The following SLC25A36 variants were observed in gnomAD, a reference collection of about 807,000 sequenced individuals.
SLC25A36 encodes the protein epididymis secretory sperm binding protein.
SLC25A36 carries 24 observed loss-of-function variants against 35.3 expected under a neutral mutation model. The ratio of observed to expected loss-of-function variants is 0.68; its 90% confidence interval spans 0.49 to 0.96. The LOEUF is 0.96. Ranked by LOEUF, SLC25A36 falls within the 40% of genes least tolerant of loss-of-function variation. The pLI, the probability that SLC25A36 is intolerant of heterozygous loss-of-function variation, is 0.00. For synonymous variants in SLC25A36, 141 were observed against 132.2 expected (o/e 1.07, Z -0.46); for missense variants, 294 against 381.1 (o/e 0.77, Z 1.90).
chr3:140,974,882 T>TA (rs1324391773), intron 6 of SLC25A36, among the ~76,000 whole-genome samples: 1 of 152,148 alleles, frequency 6.6e-6, no homozygotes, highest in African/African-American at 2.4e-5. Flanking sequence ...ACTATGAACT[T>TA]ATCTCAGTTT....
intron 6 of SLC25A36, among the ~76,000 whole-genome samples, chr3:140,974,790 T>A (rs1934994075): frequency 6.6e-6 from 1 of 152,156 alleles, no homozygotes; most frequent in African/African-American, 2.4e-5. Context: ...TTGTATATTA[T>A]ATCAGGAAAA....
chr3:140,976,552 T>G lies in SLC25A36; in HGVS notation c.*99T>G. ...CATGGCAGACAGAAGAAAAATAGTT[T>G]GGGAACATGTAACTATTCTAAGTGG... On this transcript the variant is annotated 3_prime_UTR_variant, in exon 7 of 7. Transcript: ENST00000324194. The G allele has an allele frequency of 1.0e-6, 1 of 998,452 alleles. No homozygotes were observed. Among genetic ancestry groups the G allele is most frequent in the Non-Finnish European group, 1.4e-6 (1 of 707,546 alleles). 61.8% of individuals were successfully genotyped at this position (998,452 alleles called of 1,614,324 possible). A position where few individuals can be genotyped will look rare whatever the true frequency, so the allele number is the denominator to read the frequency against.
At chr3:140,948,191 G>T (rs1441384012) in intron 1 of SLC25A36, among the ~76,000 whole-genome samples, 1 of 152,160 alleles carries the variant, frequency 6.6e-6, no homozygotes, top group Non-Finnish European at 1.5e-5. Context: ...CTGACCTCAG[G>T]CGATCCACCC....
At chr3:140,966,332 GT>G in intron 4 of SLC25A36, 2 of 328,016 alleles carry the variant, frequency 6.1e-6, no homozygotes, top group Non-Finnish European at 6.2e-6. Flanking sequence ...CATTCTTCCT[GT>G]TTTTTGTTTT....
At chr3:140,954,402 G>A (rs1210906040) in intron 1 of SLC25A36, among the ~76,000 whole-genome samples, 1 of 152,158 alleles carries the variant, frequency 6.6e-6, no homozygotes, top group Non-Finnish European at 1.5e-5. Context: ...TCTTGGGTCA[G>A]TACCTACAAG....
chr3:140,980,295 CATA>C lies in SLC25A36; in HGVS notation c.*3845_*3847del, dbSNP rs1379161681. ...TTGTTAGAATAACCAAATGAATCCACATAATGTTAGATCAAAATACAAATGACA... is the reference window on the plus strand; with the variant it reads ...TTGTTAGAATAACCAAATGAATCCACATGTTAGATCAAAATACAAATGACA... On this transcript the variant is annotated 3_prime_UTR_variant, in exon 7 of 7. Transcript: ENST00000324194. Among the ~76,000 whole-genome samples, 6 of 152,184 alleles carry C rather than the reference CATA, an allele frequency of 3.9e-5. No homozygotes were observed. The highest frequency in any genetic ancestry group is 9.7e-5 in the African/African-American group (4 of 41,446).
intron 4 of SLC25A36, chr3:140,966,815 AAGTT>A: frequency 2.6e-6 from 1 of 389,442 alleles, no homozygotes; most frequent in Non-Finnish European, 5.2e-6. Context: ...ATTTTCAAAA[AAGTT>A]AGATCTCACA....
At chr3:140,948,569 G>T (rs1210518257) in intron 1 of SLC25A36, among the ~76,000 whole-genome samples, 1 of 152,084 alleles carries the variant, frequency 6.6e-6, no homozygotes, top group African/African-American at 2.4e-5. Flanking sequence ...TTTTCATCTT[G>T]CTTTATAAAG....
chr3:140,954,252 A>T (rs1453583585), intron 1 of SLC25A36, among the ~76,000 whole-genome samples: 2 of 152,218 alleles, frequency 1.3e-5, no homozygotes. Context: ...GCAGAATAGT[A>T]TTCTATTATA....
chr3:140,966,370 A>G, intron 4 of SLC25A36: 1 of 324,678 alleles, frequency 3.1e-6, no homozygotes, highest in Non-Finnish European at 6.3e-6. Flanking sequence ...TAAATACAAA[A>G]TAATGCAAAA....
chr3:140,976,554 G>C lies in SLC25A36; in HGVS notation c.*101G>C. 1 of 988,946 alleles carries C rather than the reference G, an allele frequency of 1.0e-6. No homozygotes were observed. Among genetic ancestry groups the C allele is most frequent in the South Asian group, 2.1e-5 (1 of 47,634 alleles). The allele number at this position is 988,946 out of a possible 1,614,324, so 61.3% of individuals were successfully genotyped here. A position where few individuals can be genotyped will look rare whatever the true frequency, so the allele number is the denominator to read the frequency against. ...TGGCAGACAGAAGAAAAATAGTTTG[G>C]GAACATGTAACTATTCTAAGTGGAA... On this transcript the variant is annotated 3_prime_UTR_variant, in exon 7 of 7. Transcript: ENST00000324194.
At position 140,979,708 on chromosome 3, in the gene SLC25A36, GT is replaced by G. The variant is rs1236749024; in HGVS notation, c.*3258del. ...AATTCTGGTTTGACTCAGTTTTTGT[GT>G]TTATAAACTTTTGGAATGTGTACCC... On this transcript the variant is annotated 3_prime_UTR_variant, in exon 7 of 7. Transcript: ENST00000324194. The G allele has an allele frequency of 5.3e-5, 8 of 152,014 alleles. No individual in the cohort carries two copies. The highest frequency in any genetic ancestry group is 7.4e-5 in the Non-Finnish European group (5 of 67,982). 9.4% of individuals were successfully genotyped at this position (152,014 alleles called of 1,614,324 possible).
intron 1 of SLC25A36, among the ~76,000 whole-genome samples, chr3:140,948,114 C>T (rs1309508905): frequency 6.6e-6 from 1 of 152,136 alleles, no homozygotes; most frequent in Non-Finnish European, 1.5e-5. Context: ...CCACCACACC[C>T]AGGTAATTTT....
rs138234938 is a variant in SLC25A36 at position 140,975,934 on chromosome 3, T to C, written c.743-326T>C. On this transcript the variant is annotated intron_variant, in intron 6 of 6. Coordinates refer to ENST00000324194, the MANE Select transcript of SLC25A36 (RefSeq NM_001104647.3). ...TTATATTCATCCTGGATGCCACCTC[T>C]TTACTGCCTCTTCACCTTTTCCTCC... Among the ~76,000 whole-genome samples, 569 of 152,304 alleles carry C rather than the reference T, an allele frequency of 3.7e-3. 5 individuals are homozygous for C. Among genetic ancestry groups the C allele is most frequent in the African/African-American group, 0.013 (546 of 41,570 alleles).
chr3:140,947,788 G>A (rs1040223862), intron 1 of SLC25A36, among the ~76,000 whole-genome samples: 2 of 152,260 alleles, frequency 1.3e-5, no homozygotes, highest in African/African-American at 4.8e-5. Context: ...GGTCTATCAG[G>A]TATATAGATG....
chr3:140,958,206 CAGAT>C (rs1934528550), intron 2 of SLC25A36, among the ~76,000 whole-genome samples: 1 of 152,278 alleles, frequency 6.6e-6, no homozygotes, highest in African/African-American at 2.4e-5. Flanking sequence ...CCCTCTTAAG[CAGAT>C]AGATGTTTGA....
At chr3:140,956,868 A>G in intron 2 of SLC25A36, 177 bp downstream of exon 2, 3 of 1,060,252 alleles carry the variant, frequency 2.8e-6, no homozygotes, top group Non-Finnish European at 2.4e-6. Flanking sequence ...ACAGTTAGAC[A>G]GATAAGATAA....
Position 140,979,449 on chromosome 3 carries a change from C to T in SLC25A36, c.*2996C>T, listed in dbSNP as rs983514808. 2 of 152,164 alleles carry T rather than the reference C, an allele frequency of 1.3e-5. No homozygotes were observed. The highest frequency in any genetic ancestry group is 2.9e-5 in the Non-Finnish European group (2 of 67,996). The allele number at this position is 152,164 out of a possible 1,614,324, so 9.4% of individuals were successfully genotyped here. On this transcript the variant is annotated 3_prime_UTR_variant, in exon 7 of 7. Transcript: ENST00000324194. ...CTCTTCTGCCCAGACTGTTAGTAAT[C>T]TAGGGACCCCCTTTGGAGCTGATAA...
At chr3:140,962,430 A>G (rs925862569) in intron 3 of SLC25A36, among the ~76,000 whole-genome samples, 8 of 152,192 alleles carry the variant, frequency 5.3e-5, no homozygotes, top group Admixed American at 3.9e-4. Context: ...TAAGTTAACA[A>G]TGAGGGAAAT....
Sources: gnomAD v4.1 joint callset for allele counts (sites outside exome capture counted in the v4.1 genomes callset) on GRCh38, gnomAD v4.1.1 for gene constraint, MANE v1.5 for transcripts, NCBI Gene and HGNC (gene_info 2026-07-23, HGNC 2026-07-21) for gene names.